The following RASGRF1 variants were observed in gnomAD, a reference collection of about 807,000 sequenced individuals.
RASGRF1 encodes Ras protein specific guanine nucleotide releasing factor 1, also known as ras-specific guanine nucleotide-releasing factor 1.
In RASGRF1, 40 loss-of-function variants were observed where a neutral mutation model predicts 138.7. The ratio of observed to expected loss-of-function variants is 0.29; its 90% CI spans 0.22 to 0.38. RASGRF1 has a LOEUF of 0.38. Among genes scored for constraint, RASGRF1 ranks in the 10% least tolerant of loss-of-function variants. The pLI is 1.00. For missense variants in RASGRF1, 1,108 were observed against 1,650.4 expected, an observed-to-expected ratio of 0.67 and a Z score of 5.69; for synonymous variants, 614 against 663.2, an observed-to-expected ratio of 0.93 and a Z score of 1.14.
Position 79,027,553 on chromosome 15 carries a change from T to G in RASGRF1, c.1381+188A>C, listed in dbSNP as rs2057077616. ...AAAACCAATAATATCTGCATCTATA[T>G]GTATAGATACTGACATCTACATATA... On this transcript the variant is annotated intron_variant, in intron 9 of 26. Transcript: ENST00000558480. This position sits in a 1 kb window ranked among gnomAD's most constrained non-coding sequence, Gnocchi z 4.8. Among the ~76,000 whole-genome samples the G allele has an allele frequency of 1.3e-5, 2 of 152,246 alleles. No homozygotes were observed. Among genetic ancestry groups the G allele is most frequent in the South Asian group, 2.1e-4 (1 of 4,836 alleles).
chr15:79,001,582 CA>C (rs756292795), intron 16 of RASGRF1, 79 bp downstream of exon 16: 40 of 1,495,900 alleles, frequency 2.7e-5, no homozygotes, highest in Non-Finnish European at 3.6e-5. Flanking sequence ...GGATGACACC[CA>C]CTTGCCTTGA....
At chr15:79,061,430 A>ATATATATATATATATATATATATATT (rs933269711) in intron 2 of RASGRF1, among the ~76,000 whole-genome samples, 1 of 147,202 alleles carries the variant, frequency 6.8e-6, no homozygotes, top group Non-Finnish European at 1.5e-5. Context: ...ATATATATAT[A>ATATATATATATATATATATATATATT]TCATTCATTT....
chr15:78,967,675 G>A (rs2141589618), intron 26 of RASGRF1, among the ~76,000 whole-genome samples: 1 of 152,190 alleles, frequency 6.6e-6, no homozygotes, highest in Non-Finnish European at 1.5e-5. Flanking sequence ...ATTTCTTCCA[G>A]TATTTATATC....
At chr15:79,085,873 G>C (rs2057972739) in intron 1 of RASGRF1, among the ~76,000 whole-genome samples, 1 of 152,214 alleles carries the variant, frequency 6.6e-6, no homozygotes, top group Non-Finnish European at 1.5e-5. Flanking sequence ...TTTGCTGCGT[G>C]AATAAACAAT....
chr15:79,025,218 C>A, intron 10 of RASGRF1, 96 bp downstream of exon 10: 1 of 1,382,850 alleles, frequency 7.2e-7, no homozygotes, highest in Non-Finnish European at 9.7e-7. Context: ...CTCTGACACC[C>A]CTGCCCACCA....
intron 11 of RASGRF1, among the ~76,000 whole-genome samples, chr15:79,019,788 G>A (rs573370275): frequency 6.6e-6 from 1 of 152,302 alleles, no homozygotes; most frequent in African/African-American, 2.4e-5. Flanking sequence ...ATCACCTGCC[G>A]GGCTGGGAGC....
intron 26 of RASGRF1, among the ~76,000 whole-genome samples, chr15:78,964,191 T>G (rs1201313003): frequency 3.9e-5 from 6 of 151,948 alleles, no homozygotes; most frequent in African/African-American, 1.5e-4. Context: ...TTTTTTTTTT[T>G]GAGGGGGAAT....
chr15:79,053,545 G>A lies in RASGRF1; in HGVS notation c.532-3957C>T, dbSNP rs151244924. The stretch of plus-strand genomic sequence containing the variant: ...GGGAGGAGTCTTCTCATAGGTAGAT[G>A]TTCCCTTGTTTTAGATGGTTCCTTC... On this transcript the variant is annotated intron_variant, in intron 3 of 26. Transcript: ENST00000558480. Among the ~76,000 whole-genome samples the A allele has an allele frequency of 1.9e-3, 285 of 152,356 alleles. 1 individual carries two copies. Among genetic ancestry groups the A allele is most frequent in the African/African-American group, 6.5e-3 (270 of 41,584 alleles).
intron 15 of RASGRF1, among the ~76,000 whole-genome samples, chr15:79,003,001 C>A (rs2056571043): frequency 1.3e-5 from 2 of 152,100 alleles, no homozygotes; most frequent in Non-Finnish European, 2.9e-5. Context: ...CAAGATGTGG[C>A]CTGTTCGGAT....
intron 1 of RASGRF1, among the ~76,000 whole-genome samples, chr15:79,076,221 C>T (rs2057831647): frequency 6.7e-6 from 1 of 149,728 alleles, no homozygotes; most frequent in Non-Finnish European, 1.5e-5. Context: ...TACACATTAG[C>T]GATGTCTGGG....
chr15:78,990,722 C>T (rs1349573966), intron 21 of RASGRF1, among the ~76,000 whole-genome samples: 3 of 152,208 alleles, frequency 2.0e-5, no homozygotes, highest in Non-Finnish European at 4.4e-5. Flanking sequence ...GCCTGCAAGC[C>T]AAGCCACAGG....
chr15:79,071,624 C>A (rs565870775), intron 1 of RASGRF1, among the ~76,000 whole-genome samples: 1 of 151,956 alleles, frequency 6.6e-6, no homozygotes, highest in Non-Finnish European at 1.5e-5. Context: ...TCCTCCTTGG[C>A]CTCCCAAAGT....
intron 13 of RASGRF1, among the ~76,000 whole-genome samples, chr15:79,010,667 A>G (rs185663852): frequency 2.4e-4 from 36 of 152,366 alleles, no homozygotes; most frequent in African/African-American, 8.4e-4. Context: ...CCTATCTCCC[A>G]GGCATCAATG....
chr15:79,078,836 A>C (rs1195406671), intron 1 of RASGRF1, among the ~76,000 whole-genome samples: 2 of 152,236 alleles, frequency 1.3e-5, no homozygotes, highest in Admixed American at 1.3e-4. Context: ...TTTAAGGCCT[A>C]AGACATACGT....
At chr15:78,978,228 T>TTTG (rs1489090389) in intron 24 of RASGRF1, among the ~76,000 whole-genome samples, 2,056 of 33,336 alleles carry the variant, frequency 0.062, 26 homozygotes, top group Non-Finnish European at 0.17. Flanking sequence ...TTGTTTTTTT[T>TTTG]TTTTTTTTTT....
At chr15:79,005,949 A>G (rs1435048511) in intron 14 of RASGRF1, among the ~76,000 whole-genome samples, 2 of 152,032 alleles carry the variant, frequency 1.3e-5, no homozygotes, top group Non-Finnish European at 2.9e-5. Flanking sequence ...GTGGAGATGG[A>G]AGCAGCTGAG....
At chr15:79,077,855 A>C (rs1381912187) in intron 1 of RASGRF1, among the ~76,000 whole-genome samples, 2 of 124,596 alleles carry the variant, frequency 1.6e-5, no homozygotes, top group African/African-American at 3.1e-5. Context: ...GCCTTTTGGG[A>C]GTTCAGACCT....
rs753423699 is a variant in RASGRF1 at position 79,033,558 on chromosome 15, ATCT to A, written c.959-1245_959-1243del. On this transcript the variant is annotated intron_variant, in intron 6 of 26. Coordinates refer to ENST00000558480, the MANE Select transcript of RASGRF1 (RefSeq NM_001145648.3). ...GAGCCACTGTGCCTGGCCTTGAAAC[ATCT>A]TCTTCTTCTTTTTTCTTTTCTTTTT... 6.4e-4 allele frequency among the ~76,000 whole-genome samples: 87 copies of A among 136,582 alleles called. 1 individual carries two copies. The highest frequency in any genetic ancestry group is 5.9e-3 in the South Asian group (25 of 4,230). 89.6% of individuals were successfully genotyped at this position (136,582 alleles called of 152,430 possible). A position where few individuals can be genotyped will look rare whatever the true frequency, so the allele number is the denominator to read the frequency against.
intron 21 of RASGRF1, 43 bp downstream of exon 21, chr15:78,991,648 C>A: frequency 6.6e-7 from 1 of 1,505,216 alleles, no homozygotes; most frequent in South Asian, 1.1e-5. Flanking sequence ...CAAGACAGTG[C>A]CTGAGGAAGC....
Sources: allele counts gnomAD v4.1 joint callset (sites outside exome capture counted in the v4.1 genomes callset), GRCh38; gene constraint gnomAD v4.1.1; non-coding constraint Gnocchi (gnomAD v3.1); transcripts MANE v1.5; gene names NCBI Gene and HGNC (gene_info 2026-07-23, HGNC 2026-07-21).